The following PCDH15 variants were observed in gnomAD, a reference collection of about 807,000 sequenced individuals.
PCDH15 encodes protocadherin-15.
In PCDH15, 129 loss-of-function variants were observed where a neutral mutation model predicts 178.5. The observed-to-expected ratio is 0.72, with a 90% CI of 0.63 to 0.84. The LOEUF is 0.84. PCDH15 is among the 40% of genes least tolerant of loss of function. PCDH15 has a pLI of 0.00. For missense variants in PCDH15, 2,230 were observed against 2,099.9 expected (o/e 1.06, Z -1.21); for synonymous variants, 800 against 732.0 (o/e 1.09, Z -1.50).
chr10:55,612,904 A>G (rs1196112317), intron 2 of PCDH15, among the ~76,000 whole-genome samples: 1 of 152,098 alleles, frequency 6.6e-6, no homozygotes, highest in Non-Finnish European at 1.5e-5. Context: ...TTGAAACAAT[A>G]TACAAACTAT....
intron 2 of PCDH15, among the ~76,000 whole-genome samples, chr10:54,989,743 G>A (rs1839456049): frequency 6.6e-6 from 1 of 152,192 alleles, no homozygotes; most frequent in African/African-American, 2.4e-5. Flanking sequence ...TTGGGGGAAT[G>A]TTGGGAAAGC....
At chr10:55,099,769 G>A (rs1441866076) in intron 2 of PCDH15, among the ~76,000 whole-genome samples, 3 of 151,300 alleles carry the variant, frequency 2.0e-5, no homozygotes, top group Non-Finnish European at 4.4e-5. Flanking sequence ...AAGAAGAAAA[G>A]CAAACTTGAC....
At chr10:55,111,300 G>C (rs971109729) in intron 2 of PCDH15, among the ~76,000 whole-genome samples, 2 of 152,138 alleles carry the variant, frequency 1.3e-5, no homozygotes, top group African/African-American at 4.8e-5. Context: ...AGTCTAATGG[G>C]AAAGTGTACA....
At chr10:53,941,936 C>T (rs754862789) in intron 23 of PCDH15, among the ~76,000 whole-genome samples, 14 of 152,126 alleles carry the variant, frequency 9.2e-5, no homozygotes, top group South Asian at 2.1e-4. Flanking sequence ...AGAATGTACA[C>T]GGTAGTTCTT....
intron 2 of PCDH15, among the ~76,000 whole-genome samples, chr10:55,079,455 T>G (rs1369010096): frequency 6.6e-6 from 1 of 152,150 alleles, no homozygotes; most frequent in East Asian, 1.9e-4. Context: ...GAACAGACAT[T>G]GCAGGTAGTC....
At chr10:54,960,430 G>A (rs2131883400) in intron 2 of PCDH15, among the ~76,000 whole-genome samples, 1 of 152,206 alleles carries the variant, frequency 6.6e-6, no homozygotes, top group East Asian at 1.9e-4. Flanking sequence ...TCATTGAGGT[G>A]GGCAGTATTT....
rs190565822 is a variant in PCDH15, at chr10:54,581,013, C to T, written c.92-53136G>A. On this transcript the variant is annotated intron_variant, in intron 2 of 37. Transcript: ENST00000644397. ...CAACATCATACTGAATGGGCAAAAG[C>T]GGGATCAATCCCTTGAGAACTGGAA... Among the ~76,000 whole-genome samples, 285 of 152,096 alleles carry T rather than the reference C, an allele frequency of 1.9e-3. 6 individuals carry two copies. The highest frequency in any genetic ancestry group is 2.6e-4 in the Non-Finnish European group (18 of 67,926).
intron 2 of PCDH15, among the ~76,000 whole-genome samples, chr10:54,917,305 T>A (rs1837361994): frequency 6.6e-6 from 1 of 152,138 alleles, no homozygotes. Context: ...AGACTCTATA[T>A]CCCTAAAACC....
chr10:55,096,964 T>C (rs764024832), intron 2 of PCDH15, among the ~76,000 whole-genome samples: 56 of 152,122 alleles, frequency 3.7e-4, no homozygotes, highest in Non-Finnish European at 6.9e-4. Context: ...TATTGGAAGG[T>C]ATAATTGCTA....
chr10:54,058,695 T>A (rs1165978665), intron 18 of PCDH15, among the ~76,000 whole-genome samples: 1 of 87,986 alleles, frequency 1.1e-5, no homozygotes, highest in African/African-American at 4.8e-5. Flanking sequence ...TCTTTCTTTC[T>A]TTCTTTTTTT....
intron 2 of PCDH15, among the ~76,000 whole-genome samples, chr10:55,337,657 A>T (rs988562340): frequency 3.3e-5 from 5 of 152,196 alleles, no homozygotes; most frequent in African/African-American, 7.2e-5. Flanking sequence ...TAATAGTTTC[A>T]TATCAGTCTC....
chr10:55,082,825 T>C (rs1842076848), intron 2 of PCDH15, among the ~76,000 whole-genome samples: 1 of 151,868 alleles, frequency 6.6e-6, no homozygotes, highest in South Asian at 2.1e-4. Flanking sequence ...TGGAGATATA[T>C]GACTAACCAA....
intron 3 of PCDH15, among the ~76,000 whole-genome samples, chr10:54,417,682 T>C (rs1954639797): frequency 6.6e-6 from 1 of 152,170 alleles, no homozygotes; most frequent in African/African-American, 2.4e-5. Context: ...AATAATATTA[T>C]CACAAATATT....
chr10:55,336,494 G>C (rs7912828), intron 2 of PCDH15, among the ~76,000 whole-genome samples: 80,979 of 151,864 alleles, frequency 0.53, 21,944 homozygotes, highest in African/African-American at 0.59. Flanking sequence ...TAGACTCTGT[G>C]TCAAAATAAA....
intron 2 of PCDH15, among the ~76,000 whole-genome samples, chr10:55,587,480 G>A (rs543438183): frequency 5.9e-5 from 9 of 151,914 alleles, no homozygotes; most frequent in Non-Finnish European, 1.2e-4. Context: ...AAATGCTATG[G>A]TCTCACAGTT....
chr10:54,393,850 T>C (rs1279287999), intron 3 of PCDH15, among the ~76,000 whole-genome samples: 1 of 152,122 alleles, frequency 6.6e-6, no homozygotes, highest in African/African-American at 2.4e-5. Flanking sequence ...CTATAGCTAA[T>C]AATGCACATG....
intron 8 of PCDH15, among the ~76,000 whole-genome samples, chr10:54,307,565 A>G (rs967109635): frequency 2.0e-5 from 3 of 151,914 alleles, no homozygotes; most frequent in Non-Finnish European, 2.9e-5. Flanking sequence ...ATTCACTGAT[A>G]TATTTTGGCT....
At chr10:54,513,130 T>C (rs1234691563) in intron 3 of PCDH15, among the ~76,000 whole-genome samples, 3 of 152,046 alleles carry the variant, frequency 2.0e-5, no homozygotes, top group African/African-American at 7.2e-5. Context: ...TATGAATACA[T>C]AAAATATGTA....
Position 54,006,177 on chromosome 10 carries a change from A to G in PCDH15, c.2752-10412T>C, listed in dbSNP as rs1752854238. Among the ~76,000 whole-genome samples, 3 of 152,088 alleles carry G rather than the reference A, an allele frequency of 2.0e-5. No homozygotes were observed. The South Asian group carries it at 6.2e-4, about 32-fold the overall frequency. On this transcript the variant is annotated intron_variant, in intron 20 of 37. Transcript: ENST00000644397. ...TTTGTTTTCTCTGGTTTGGATTTTT[A>G]TAGGAAATATGTTATATCTTAGTCC...
Sources: gnomAD v4.1 joint callset for allele counts (sites outside exome capture counted in the v4.1 genomes callset) on GRCh38, gnomAD v4.1.1 for gene constraint, MANE v1.5 for transcripts, NCBI Gene and HGNC (gene_info 2026-07-23, HGNC 2026-07-21) for gene names.